Variants in COPB2 observed in about 807,000 individuals in gnomAD.
COPB2 encodes the protein coatomer subunit beta'.
COPB2 carries 16 observed loss-of-function variants against 120.8 expected under a neutral mutation model. That is an observed-to-expected ratio of 0.13 (90% CI 0.09 to 0.20). COPB2 has a LOEUF of 0.20. COPB2 is among the 10% of genes least tolerant of loss of function. The pLI is 1.00. For missense variants in COPB2, 794 were observed against 1,076.5 expected (o/e 0.74, Z 3.67); for synonymous variants, 332 against 366.3 (o/e 0.91, Z 1.07).
In COPB2 at chr3:139,367,025, G is replaced by A. The variant is rs1306141881; in HGVS notation, c.1666C>T (p.His556Tyr). Residue 556 changes from histidine to tyrosine, a missense_variant, in exon 14 of 22, where the codon CAC (histidine) becomes TAC (tyrosine). Physicochemically the swap from His to Tyr is moderately conservative, Grantham distance 83 (BLOSUM62 2). Around this residue, in one of 3 missense-constraint regions of COPB2, gnomAD observed 610 missense variants for 866.7 expected, o/e 0.70. Coordinates refer to ENST00000333188, the MANE Select transcript of COPB2 (RefSeq NM_004766.3). Reference protein sequence around the residue: ...YVGGEIVTIAHLDRTMYLLGY... With the variant: ...YVGGEIVTIAYLDRTMYLLGY... ...ATGATACTCAGGTACCTGTCCAAGT[G>A]GGCAATGGTGACTATTTCTCCTCCA... 1.2e-6 allele frequency: 2 copies of A among 1,611,666 alleles called. No homozygotes were observed. Among genetic ancestry groups the A allele is most frequent in the African/African-American group, 1.3e-5 (1 of 74,842 alleles).
chr3:139,381,747 G>C (rs1941817845), intron 2 of COPB2: 2 of 152,088 alleles, frequency 1.3e-5, no homozygotes, highest in African/African-American at 4.8e-5. Flanking sequence ...AGTACGCCTG[G>C]GCTTTAGAAC....
At chr3:139,368,542 AC>A (rs1263434402) in intron 12 of COPB2, among the ~76,000 whole-genome samples, 1 of 152,166 alleles carries the variant, frequency 6.6e-6, no homozygotes, top group African/African-American at 2.4e-5. Flanking sequence ...TACACAGAGG[AC>A]CAGTAGCCTA....
chr3:139,359,037 A>C lies in COPB2; in HGVS notation c.2445T>G (p.His815Gln), dbSNP rs765417878. The C allele has an allele frequency of 1.9e-5, 30 of 1,613,952 alleles. 1 individual carries two copies. In the Admixed American group the frequency reaches 2.8e-4, roughly 15 times the overall value. ...FVVEEWVKET[H>Q]ADLWPAKQYP... ...ATTGTTTGGCTGGCCACAGATCAGC[A>C]TGTGTTTCCTTCACCCATTCTTCAA... is the stretch of plus-strand genomic sequence containing the variant. The change falls in exon 19 of 22, where the codon CAT (histidine) becomes CAG (glutamine). Residue 815 changes from histidine (H) to glutamine (Q), a missense_variant. By Grantham distance (24) the His-to-Gln change is conservative. Transcript: ENST00000333188.
Position 139,378,071 on chromosome 3 carries a change from A to G in COPB2, c.474T>C (p.Phe158=). The G allele has an allele frequency of 6.3e-7, 1 of 1,576,194 alleles. No homozygotes were observed. The highest frequency in any genetic ancestry group is 8.7e-7 in the Non-Finnish European group (1 of 1,152,650). ...IVINPKDNNQ[F]ASASLDRTIK... is the part of the protein sequence containing the mutation. ...TAGTCCTGTCCAAAGAGGCACTGGC[A>G]AACTGATTGTTATCTTTGGGGTTGA... Residue 158 remains phenylalanine, a synonymous_variant, in exon 5 of 22, where the codon TTT becomes TTC. Coordinates refer to ENST00000333188, the MANE Select transcript of COPB2 (RefSeq NM_004766.3).
At chr3:139,362,658 T>G in intron 15 of COPB2, 141 bp from the exon 16 acceptor site, 1 of 358,336 alleles carries the variant, frequency 2.8e-6, no homozygotes. Flanking sequence ...GAAACCCCAC[T>G]ATTTAATAAG....
intron 19 of COPB2, 28 bp downstream of exon 19, chr3:139,358,970 A>T: frequency 6.2e-7 from 1 of 1,605,534 alleles, no homozygotes; most frequent in Non-Finnish European, 8.5e-7. Flanking sequence ...AGTTACAATA[A>T]ATGAAGCTTG....
intron 1 of COPB2, among the ~76,000 whole-genome samples, chr3:139,388,560 A>G (rs1054036958): frequency 6.6e-6 from 1 of 151,862 alleles, no homozygotes; most frequent in Non-Finnish European, 1.5e-5. Context: ...TTTTTAACTT[A>G]AGATGAGGGA....
chr3:139,377,509 G>T (rs1200485017), intron 5 of COPB2, among the ~76,000 whole-genome samples: 1 of 152,244 alleles, frequency 6.6e-6, no homozygotes, highest in Non-Finnish European at 1.5e-5. Flanking sequence ...AGTAGACCAG[G>T]GTTTTAGGAG....
chr3:139,375,691 C>T, intron 5 of COPB2, 77 bp from the exon 6 acceptor site: 1 of 1,464,834 alleles, frequency 6.8e-7, no homozygotes, highest in African/African-American at 1.4e-5. Context: ...ATTTCTGACA[C>T]ATTATGTAAA....
rs1208235549 is a variant in COPB2 at position 139,373,306 on chromosome 3, T to C, written c.1001A>G (p.Glu334Gly). The C allele has an allele frequency of 6.2e-7, 1 of 1,614,200 alleles. No individual in the cohort carries two copies. Among genetic ancestry groups the C allele is most frequent in the African/African-American group, 1.3e-5 (1 of 75,050 alleles). ...QANLKAMGDA[E>G]IKDGERLPLA... ...TGGCAATCTTTCACCATCTTTAATT[T>C]CAGCATCTCCCATTGCTTTTAGGTT... The change falls in exon 9 of 22, where the codon GAA becomes GGA. Residue 334 changes from glutamate to glycine, a missense_variant. By Grantham distance (98) the Glu-to-Gly change is moderately conservative. This residue lies in a region of COPB2 where 610 missense variants were observed against 866.7 expected (regional missense o/e 0.70). Transcript: ENST00000333188.
chr3:139,373,605 C>T (rs1405070510), intron 8 of COPB2, 61 bp downstream of exon 8: 4 of 1,607,778 alleles, frequency 2.5e-6, no homozygotes, highest in East Asian at 4.5e-5. Flanking sequence ...GATGACAGTA[C>T]TAAAATACAA....
At chr3:139,358,294 A>G (rs377725838) in intron 20 of COPB2, 23 bp from the exon 21 acceptor site, 3 of 1,595,496 alleles carry the variant, frequency 1.9e-6, no homozygotes, top group South Asian at 2.2e-5. Context: ...GTGAAGATAT[A>G]TATGAAGACA....
intron 13 of COPB2, 53 bp downstream of exon 13, chr3:139,368,092 T>C (rs1941552237): frequency 1.3e-6 from 2 of 1,577,404 alleles, no homozygotes; most frequent in Admixed American, 1.8e-5. Flanking sequence ...GTTGTAAGAA[T>C]ATAAATCATT....
At chr3:139,384,117 T>C (rs1941867694) in intron 1 of COPB2, among the ~76,000 whole-genome samples, 1 of 152,228 alleles carries the variant, frequency 6.6e-6, no homozygotes, top group Admixed American at 6.5e-5. Flanking sequence ...GGTAGTTTCT[T>C]AAAGGCTACT....
intron 14 of COPB2, 45 bp from the exon 15 acceptor site, chr3:139,366,820 TAC>T: frequency 6.3e-7 from 1 of 1,585,144 alleles, no homozygotes; most frequent in Non-Finnish European, 8.6e-7. Flanking sequence ...AATCTGCAAT[TAC>T]ACAAACACAC....
At chr3:139,368,802 T>C (rs1941570382) in intron 12 of COPB2, among the ~76,000 whole-genome samples, 1 of 152,216 alleles carries the variant, frequency 6.6e-6, no homozygotes, top group Non-Finnish European at 1.5e-5. Context: ...AAAAGCTGGT[T>C]TGTTTCCAAA....
At chr3:139,371,865 C>T in intron 9 of COPB2, 32 bp from the exon 10 acceptor site, 1 of 1,549,292 alleles carries the variant, frequency 6.5e-7, no homozygotes, top group Non-Finnish European at 8.9e-7. Context: ...GAGGGAAGTA[C>T]AGAGGACCAA....
At chr3:139,366,541 C>G in intron 15 of COPB2, 27 bp downstream of exon 15, 1 of 1,559,514 alleles carries the variant, frequency 6.4e-7, no homozygotes, top group Non-Finnish European at 8.7e-7. Context: ...TTTTAAAAAA[C>G]AAAAAGAAAA....
At chr3:139,377,661 T>C (rs1040480088) in intron 5 of COPB2, among the ~76,000 whole-genome samples, 4 of 152,256 alleles carry the variant, frequency 2.6e-5, no homozygotes, top group Middle Eastern at 6.8e-3. Context: ...AAAGAGAGAA[T>C]AGAGGCATAT....
Sources: allele counts gnomAD v4.1 joint callset (sites outside exome capture counted in the v4.1 genomes callset), GRCh38; gene constraint gnomAD v4.1.1; regional missense constraint gnomAD v4.1.1; transcripts MANE v1.5; gene names NCBI Gene and HGNC (gene_info 2026-07-23, HGNC 2026-07-21).